CLSPN: variants seen among roughly 807,000 people sequenced by gnomAD.
The protein encoded by CLSPN is claspin homolog.
In CLSPN, 85 loss-of-function variants were observed where a neutral mutation model predicts 156.3. The observed-to-expected ratio is 0.54, with a 90% confidence interval of 0.46 to 0.65. The LOEUF (loss-of-function observed/expected upper bound fraction) is 0.65, where lower values mean the gene tolerates loss of function less well. CLSPN is among the 30% of genes least tolerant of loss of function. The probability of loss-of-function intolerance (pLI) is 0.00; values close to 1 mark genes in which losing one functional copy is unlikely to be tolerated. For missense variants in CLSPN, 1,407 were observed against 1,554.9 expected (o/e 0.90, Z 1.60); for synonymous variants, 534 against 542.4 (o/e 0.98, Z 0.22).
rs752290203 is a variant in CLSPN, at chr1:35,749,489, T to C, written c.2250A>G (p.Ser750=). 1 of 1,614,054 alleles carries C rather than the reference T, an allele frequency of 6.2e-7. No individual in the cohort carries two copies. The highest frequency in any genetic ancestry group is 1.1e-5 in the South Asian group (1 of 91,076). Residue 750 remains serine, a synonymous_variant, in exon 12 of 25, where the codon TCA becomes TCG. Transcript: ENST00000318121. ...TEEKSETDEN[S]GKQPSKLDED... ...TACCCAGTTTGCTAGGCTGCTTGCC[T>C]GAGTTTTCATCTGTTTCTGATTTTT...
At position 35,733,787 on chromosome 1, in the gene CLSPN, G is replaced by A. The variant is rs1641379549; in HGVS notation, c.*2709C>T. 1.0e-5 allele frequency: 7 copies of A among 692,528 alleles called. No individual in the cohort carries two copies. The highest frequency in any genetic ancestry group is 3.9e-5 in the African/African-American group (2 of 51,418). 42.9% of individuals were successfully genotyped at this position (692,528 alleles called of 1,614,324 possible). On this transcript the variant is annotated 3_prime_UTR_variant, in exon 25 of 25. Transcript: ENST00000318121. ...GAGGCCAGGAGTTCAAGATCAGCTG[G>A]GGCAACACAGCAAGACCCTGTCTCT... is the stretch of plus-strand genomic sequence containing the variant.
chr1:35,740,530 T>A (rs1641655427), intron 18 of CLSPN, among the ~76,000 whole-genome samples: 2 of 151,910 alleles, frequency 1.3e-5, no homozygotes, highest in South Asian at 4.1e-4. Flanking sequence ...GTGATTCTCA[T>A]GCCTCAACCT....
intron 24 of CLSPN, among the ~76,000 whole-genome samples, chr1:35,722,083 G>A (rs1484541394): frequency 1.3e-5 from 2 of 151,354 alleles, no homozygotes. Context: ...AGATTGCAGT[G>A]AGCCAAGATC....
At chr1:35,748,165 A>C in intron 13 of CLSPN, 104 bp from the exon 14 acceptor site, 4 of 1,325,854 alleles carry the variant, frequency 3.0e-6, no homozygotes, top group Non-Finnish European at 4.2e-6. Context: ...AGCTACTCTC[A>C]GGAAATTGTA....
At position 35,756,430 on chromosome 1, in the gene CLSPN, T is replaced by C. The variant is rs112072464; in HGVS notation, c.1580-2494A>G. On this transcript the variant is annotated intron_variant, in intron 8 of 24. Transcript: ENST00000318121. ...TCAAAGCTCTTCCTCCCCCAACCCATTGGAGCAACCACTTTCTTTGGCCTT... is the reference window on the plus strand; with the variant it reads ...TCAAAGCTCTTCCTCCCCCAACCCACTGGAGCAACCACTTTCTTTGGCCTT... Among the ~76,000 whole-genome samples, 1,357 of 152,286 alleles carry C rather than the reference T, an allele frequency of 8.9e-3. 18 individuals carry two copies. Among genetic ancestry groups the C allele is most frequent in the African/African-American group, 0.029 (1,225 of 41,556 alleles).
intron 13 of CLSPN, 45 bp from the exon 14 acceptor site, chr1:35,748,106 T>A (rs761864353): frequency 1.3e-6 from 2 of 1,575,186 alleles, no homozygotes; most frequent in Non-Finnish European, 1.7e-6. Context: ...ATTTTACAAA[T>A]GTCAGTCATT....
At position 35,724,285 on chromosome 1, in the gene CLSPN, C is replaced by T. The variant is rs142702595; in HGVS notation, c.3910-3305G>A. On this transcript the variant is annotated intron_variant, in intron 24 of 24. Coordinates refer to the CLSPN transcript ENST00000251195. ...CCAGGCCTTGAGGGATGAATAAGAG[C>T]TCACCAAGAGAAAGCAAGAGAAGGC... is the stretch of plus-strand genomic sequence containing the variant. 6.6e-5 allele frequency among the ~76,000 whole-genome samples: 10 copies of T among 152,244 alleles called. No homozygotes were observed. In the East Asian group the frequency reaches 1.7e-3, roughly 26 times the overall value.
Position 35,735,056 on chromosome 1 carries a change from G to A in CLSPN, c.*1440C>T. 1 of 985,360 alleles carries A rather than the reference G, an allele frequency of 1.0e-6. No individual in the cohort carries two copies. 61.0% of individuals were successfully genotyped at this position (985,360 alleles called of 1,614,324 possible). A position where few individuals can be genotyped will look rare whatever the true frequency, so the allele number is the denominator to read the frequency against. ...GCTGAAATGTCCATTGATTAGTGAG[G>A]GCAATGTATGTAAGCCAGAAGAATG... On this transcript the variant is annotated 3_prime_UTR_variant, in exon 25 of 25. Coordinates refer to ENST00000318121, the MANE Select transcript of CLSPN (RefSeq NM_022111.4).
chr1:35,738,723 G>C (rs1291996469), intron 20 of CLSPN, 141 bp from the exon 21 acceptor site: 1 of 782,882 alleles, frequency 1.3e-6, no homozygotes, highest in African/African-American at 1.8e-5. Context: ...GTTACAACTA[G>C]GTCTTCACAT....
chr1:35,763,731 A>G (rs932642467), intron 3 of CLSPN, among the ~76,000 whole-genome samples: 4 of 151,738 alleles, frequency 2.6e-5, no homozygotes, highest in East Asian at 1.9e-4. Flanking sequence ...AAACCCATTT[A>G]TTTGGAAATG....
chr1:35,744,340 T>C (rs997880332), intron 16 of CLSPN, among the ~76,000 whole-genome samples: 1 of 152,206 alleles, frequency 6.6e-6, no homozygotes. Flanking sequence ...AGGGTCTTGC[T>C]CTGATGCCCA....
intron 6 of CLSPN, among the ~76,000 whole-genome samples, chr1:35,761,635 G>A (rs569319260): frequency 2.0e-5 from 3 of 152,140 alleles, no homozygotes; most frequent in African/African-American, 7.2e-5. Context: ...AATGTATACA[G>A]CGTGATACTC....
At chr1:35,740,852 T>C (rs1184295410) in intron 18 of CLSPN, among the ~76,000 whole-genome samples, 1 of 152,232 alleles carries the variant, frequency 6.6e-6, no homozygotes, top group Non-Finnish European at 1.5e-5. Context: ...TTATCTGTCA[T>C]TCTTTAAAAG....
chr1:35,748,462 T>A lies in CLSPN; in HGVS notation c.2415A>T (p.Gly805=), dbSNP rs769750356. 6.2e-7 allele frequency: 1 copy of A among 1,614,130 alleles called. No individual in the cohort carries two copies. Among genetic ancestry groups the A allele is most frequent in the South Asian group, 1.1e-5 (1 of 91,082 alleles). The part of the protein sequence containing the change: ...RGTSFFPTAG[G]FRSPSPGLFR... The stretch of plus-strand genomic sequence containing the variant: ...ATAGCCCAGGGGAAGGAGATCTGAA[T>A]CCTCCTGCTGTAGGGAAAAAACTGG... Residue 805 remains glycine (G), a synonymous_variant, in exon 13 of 25, where the codon GGA becomes GGT. Coordinates refer to ENST00000318121, the MANE Select transcript of CLSPN (RefSeq NM_022111.4).
intron 18 of CLSPN, among the ~76,000 whole-genome samples, chr1:35,740,069 T>G (rs1641639956): frequency 6.6e-6 from 1 of 152,220 alleles, no homozygotes; most frequent in East Asian, 1.9e-4. Context: ...AAACTCTTAA[T>G]CTCTTTTACA....
In CLSPN at chr1:35,753,833, G is replaced by A; in HGVS notation, c.1683C>T (p.Gly561=). 6.2e-7 allele frequency: 1 copy of A among 1,614,126 alleles called. No homozygotes were observed. The highest frequency in any genetic ancestry group is 8.5e-7 in the Non-Finnish European group (1 of 1,180,014). The change falls in exon 9 of 25, where the codon GGC becomes GGT. Residue 561 remains glycine (G), a synonymous_variant. Transcript: ENST00000318121. ...CTTTTAGCTCTTCCTTTCCATCAGT[G>A]CCCATGTCTTTCACTATGACGTTCA... ...VNVNVIVKDM[G]TDGKEELKAD...
Position 35,732,585 on chromosome 1 carries a change from C to T in CLSPN, c.*3911G>A. 1 of 985,412 alleles carries T rather than the reference C, an allele frequency of 1.0e-6. No individual in the cohort carries two copies. Among genetic ancestry groups the T allele is most frequent in the Non-Finnish European group, 1.2e-6 (1 of 829,936 alleles). The allele number at this position is 985,412 out of a possible 1,614,324, so 61.0% of individuals were successfully genotyped here. ...GTTTAAAGAGGTTAATACCATGTAT[C>T]CCTACTCAAGTGTATGGAACAAGGA... On this transcript the variant is annotated 3_prime_UTR_variant, in exon 25 of 25. Transcript: ENST00000318121.
chr1:35,731,359 C>T (rs929888838), downstream of CLSPN, among the ~76,000 whole-genome samples: 1 of 152,004 alleles, frequency 6.6e-6, no homozygotes, highest in Admixed American at 6.6e-5. Flanking sequence ...GGAAAGAGGA[C>T]ACTTTAGATG....
In CLSPN at chr1:35,739,245, C is replaced by A; in HGVS notation, c.3321G>T (p.Leu1107Phe). Residue 1107 changes from leucine (L) to phenylalanine (F), a missense_variant, in exon 20 of 25, where the codon TTG (leucine) becomes TTT (phenylalanine). Transcript: ENST00000318121. The part of the protein sequence containing the change: ...QIKKIHMKTM[L>F]DDDKRQLRLY... ...AACGTAGCTGTCGCTTATCATCATC[C>A]AACATAGTTTTCCTGCAACAGGAGA... 1 of 1,614,186 alleles carries A rather than the reference C, an allele frequency of 6.2e-7. No homozygotes were observed. The highest frequency in any genetic ancestry group is 8.5e-7 in the Non-Finnish European group (1 of 1,180,042).
Sources: gnomAD v4.1 joint callset for allele counts (sites outside exome capture counted in the v4.1 genomes callset) on GRCh38, gnomAD v4.1.1 for gene constraint, MANE v1.5 for transcripts, NCBI Gene and HGNC (gene_info 2026-07-23, HGNC 2026-07-21) for gene names.